The following NRXN3 variants were observed in gnomAD, a reference collection of about 807,000 sequenced individuals.
NRXN3 encodes neurexin III.
NRXN3 carries 32 observed loss-of-function variants against 137.6 expected under a neutral mutation model. That is an observed-to-expected ratio of 0.23 (90% CI 0.18 to 0.31). The LOEUF (loss-of-function observed/expected upper bound fraction) is 0.31, where lower values mean the gene tolerates loss of function less well. Ranked by LOEUF, NRXN3 falls within the 10% of genes least tolerant of loss-of-function variation. The pLI is 1.00. For missense variants in NRXN3, 1,574 were observed against 2,062.5 expected, an observed-to-expected ratio of 0.76 and a Z score of 4.59; for synonymous variants, 798 against 784.5, an observed-to-expected ratio of 1.02 and a Z score of -0.29.
At chr14:78,679,861 C>T (rs1001956708) in intron 6 of NRXN3, among the ~76,000 whole-genome samples, 3 of 152,056 alleles carry the variant, frequency 2.0e-5, no homozygotes, top group Non-Finnish European at 4.4e-5. Context: ...TATCCTTCTC[C>T]TGGTTCAAAT....
chr14:78,488,501 C>A (rs192275543), intron 4 of NRXN3, among the ~76,000 whole-genome samples: 26 of 152,102 alleles, frequency 1.7e-4, no homozygotes, highest in Admixed American at 3.3e-4. Context: ...CATTAAAAAT[C>A]AAAAAGGTGA....
chr14:78,718,907 T>C (rs1374754863), intron 8 of NRXN3, among the ~76,000 whole-genome samples: 1 of 152,230 alleles, frequency 6.6e-6, no homozygotes, highest in Non-Finnish European at 1.5e-5. Flanking sequence ...GAATACCACC[T>C]ACCATCCAGT....
intron 11 of NRXN3, 39 bp from the exon 12 acceptor site, chr14:78,965,986 G>C (rs754177687): frequency 1.3e-6 from 2 of 1,589,600 alleles, no homozygotes; most frequent in Non-Finnish European, 8.6e-7. Context: ...ATAAATGATG[G>C]TAACTTTTCT....
At chr14:78,227,250 TG>T (rs1366008490) in intron 1 of NRXN3, among the ~76,000 whole-genome samples, 1 of 152,202 alleles carries the variant, frequency 6.6e-6, no homozygotes, top group Non-Finnish European at 1.5e-5. Context: ...TTCAGAAGCT[TG>T]AATTTAAGAT....
At chr14:79,789,235 G>A (rs1272370828) in intron 19 of NRXN3, among the ~76,000 whole-genome samples, 1 of 152,136 alleles carries the variant, frequency 6.6e-6, no homozygotes, top group Non-Finnish European at 1.5e-5. Flanking sequence ...GGGAGTCTGG[G>A]TAGGGAATTT....
intron 15 of NRXN3, among the ~76,000 whole-genome samples, chr14:79,026,924 T>C (rs1462714314): frequency 3.2e-5 from 1 of 31,616 alleles, no homozygotes; most frequent in Non-Finnish European, 1.1e-4. Flanking sequence ...GAAAAAAAAG[T>C]ATATATATAT....
At chr14:78,511,308 T>C (rs2096103108) in intron 4 of NRXN3, among the ~76,000 whole-genome samples, 1 of 152,214 alleles carries the variant, frequency 6.6e-6, no homozygotes, top group Non-Finnish European at 1.5e-5. Context: ...CTTGATCAGT[T>C]TCCTCATCTG....
chr14:79,161,936 G>T (rs1317420406), intron 15 of NRXN3, among the ~76,000 whole-genome samples: 1 of 151,844 alleles, frequency 6.6e-6, no homozygotes, highest in Admixed American at 6.6e-5. Flanking sequence ...AAGTGGTAAA[G>T]ACAGCCCAGA....
In NRXN3 at chr14:78,414,463, C is replaced by T. The variant is rs148030975; in HGVS notation, c.757+116603C>T. 8.1e-4 allele frequency among the ~76,000 whole-genome samples: 123 copies of T among 152,300 alleles called. 1 individual carries two copies. The highest frequency in any genetic ancestry group is 2.8e-3 in the African/African-American group (118 of 41,570). ...CTATCTTTTTAGACGGGCAAGTTGG[C>T]TGCCAAAAATGTTTAGGCAATTCTG... is the stretch of plus-strand genomic sequence containing the variant. On this transcript the variant is annotated intron_variant, in intron 4 of 20. Transcript: ENST00000335750.
At chr14:79,551,579 C>T (rs1319386393) in intron 16 of NRXN3, among the ~76,000 whole-genome samples, 2 of 152,062 alleles carry the variant, frequency 1.3e-5, no homozygotes, top group East Asian at 1.9e-4. Context: ...ATGTTTTCTT[C>T]GTCAAGAGTT....
At chr14:79,131,463 G>T (rs532901047) in intron 15 of NRXN3, among the ~76,000 whole-genome samples, 2 of 151,718 alleles carry the variant, frequency 1.3e-5, no homozygotes, top group African/African-American at 2.4e-5. Flanking sequence ...TGCCCCTGCT[G>T]GGGGGTGCCT....
chr14:79,663,640 A>C lies in NRXN3; in HGVS notation c.3445-138A>C, dbSNP rs773509173. ...ATGAAAGCTCATGGAGAAATGTAGA[A>C]TGCTATTATTATCTTATCTTCATGC... On this transcript the variant is annotated intron_variant, in intron 16 of 20. Coordinates refer to ENST00000335750, the MANE Select transcript of NRXN3 (RefSeq NM_001330195.2). 3.1e-4 allele frequency: 219 copies of C among 706,482 alleles called. 1 individual carries two copies. Among genetic ancestry groups the C allele is most frequent in the Non-Finnish European group, 1.1e-4 (45 of 421,228 alleles). The allele number at this position is 706,482 out of a possible 1,614,324, so 43.8% of individuals were successfully genotyped here. A position where few individuals can be genotyped will look rare whatever the true frequency, so the allele number is the denominator to read the frequency against.
chr14:78,311,044 T>G (rs930232926), intron 4 of NRXN3, among the ~76,000 whole-genome samples: 10 of 152,206 alleles, frequency 6.6e-5, no homozygotes, highest in African/African-American at 2.4e-4. Context: ...TCAATCTTTT[T>G]GACTATCTGT....
intron 15 of NRXN3, among the ~76,000 whole-genome samples, chr14:79,189,781 A>G (rs796697865): frequency 6.6e-6 from 1 of 152,194 alleles, no homozygotes; most frequent in African/African-American, 2.4e-5. Flanking sequence ...ACATTATTTC[A>G]TGCATAAAAA....
At chr14:79,653,559 C>A (rs1175199630) in intron 16 of NRXN3, among the ~76,000 whole-genome samples, 1 of 152,198 alleles carries the variant, frequency 6.6e-6, no homozygotes, top group Non-Finnish European at 1.5e-5. Flanking sequence ...TAATTTATTT[C>A]TCTGCATCTG....
chr14:78,525,365 C>T (rs2096362057), intron 4 of NRXN3, among the ~76,000 whole-genome samples: 1 of 152,156 alleles, frequency 6.6e-6, no homozygotes, highest in African/African-American at 2.4e-5. Context: ...AGCATTGGCC[C>T]CCATGCCTAG....
At chr14:78,943,701 A>C (rs1238829271) in intron 10 of NRXN3, among the ~76,000 whole-genome samples, 1 of 125,318 alleles carries the variant, frequency 8.0e-6, no homozygotes, top group African/African-American at 2.9e-5. Context: ...TAGAAAAAGG[A>C]TAGGAAGTGG....
intron 15 of NRXN3, among the ~76,000 whole-genome samples, chr14:79,440,564 C>T (rs1297565252): frequency 1.3e-5 from 2 of 151,986 alleles, no homozygotes; most frequent in Non-Finnish European, 2.9e-5. Context: ...GAATTGATCC[C>T]CATAGTATAT....
chr14:79,226,847 G>C, intron 15 of NRXN3, among the ~76,000 whole-genome samples: 1 of 102,274 alleles, frequency 9.8e-6, no homozygotes, highest in East Asian at 2.8e-4. Flanking sequence ...ACAGAGTCTT[G>C]CTCTTTTGCT....
Sources: allele counts gnomAD v4.1 joint callset (sites outside exome capture counted in the v4.1 genomes callset), GRCh38; gene constraint gnomAD v4.1.1; transcripts MANE v1.5; gene names NCBI Gene and HGNC (gene_info 2026-07-23, HGNC 2026-07-21).